Variants in CNTN5 observed in about 807,000 individuals in gnomAD.
The protein encoded by CNTN5 is contactin-5.
In CNTN5, 77 loss-of-function variants were observed where a neutral mutation model predicts 129.1. The ratio of observed to expected loss-of-function variants is 0.60; its 90% CI spans 0.50 to 0.72. The LOEUF (loss-of-function observed/expected upper bound fraction) is 0.72. CNTN5 is among the 30% of genes least tolerant of loss of function. The pLI, the probability that CNTN5 is intolerant of heterozygous loss-of-function variation, is 0.00. For synonymous variants in CNTN5, 509 were observed against 465.6 expected (o/e 1.09, Z -1.20); for missense variants, 1,478 against 1,328.8 (o/e 1.11, Z -1.75).
At chr11:100,158,085 A>AAATCTGTATT (rs1947317837) in intron 13 of CNTN5, among the ~76,000 whole-genome samples, 2 of 151,490 alleles carry the variant, frequency 1.3e-5, no homozygotes, top group African/African-American at 2.4e-5. Flanking sequence ...AATTTTTTGA[A>AAATCTGTATT]AATCTGTATT....
chr11:99,565,113 C>T (rs186653661), intron 3 of CNTN5, among the ~76,000 whole-genome samples: 1 of 152,012 alleles, frequency 6.6e-6, no homozygotes, highest in Non-Finnish European at 1.5e-5. Context: ...GCTTAAAGAA[C>T]AATAACCCAA....
chr11:99,546,966 C>T (rs7129735), intron 2 of CNTN5, among the ~76,000 whole-genome samples: 106,299 of 150,894 alleles, frequency 0.7, 37,838 homozygotes, highest in East Asian at 0.98. Context: ...ATGAAAGATA[C>T]ACAACACAAA....
At chr11:100,067,246 G>T (rs557431831) in intron 10 of CNTN5, among the ~76,000 whole-genome samples, 1 of 152,078 alleles carries the variant, frequency 6.6e-6, no homozygotes, top group South Asian at 2.1e-4. Context: ...TTTTTCTAAT[G>T]TAGAGCTTAA....
At chr11:99,487,835 A>G (rs952679141) in intron 2 of CNTN5, among the ~76,000 whole-genome samples, 1 of 152,238 alleles carries the variant, frequency 6.6e-6, no homozygotes, top group African/African-American at 2.4e-5. Flanking sequence ...ATGAGTTAAG[A>G]ATAAGTTCTC....
At chr11:100,309,281 A>G (rs545321796) in intron 21 of CNTN5, 6 of 983,480 alleles carry the variant, frequency 6.1e-6, no homozygotes, top group African/African-American at 5.2e-5. Context: ...GTCTTGAACA[A>G]TGATCAAGTA....
intron 2 of CNTN5, among the ~76,000 whole-genome samples, chr11:99,368,875 G>A (rs925797753): frequency 6.6e-5 from 10 of 152,054 alleles, no homozygotes; most frequent in Non-Finnish European, 1.2e-4. Flanking sequence ...CAAAACGTAA[G>A]AGTTTCTAAG....
intron 9 of CNTN5, among the ~76,000 whole-genome samples, chr11:100,015,445 C>T (rs1428517750): frequency 6.6e-6 from 1 of 152,120 alleles, no homozygotes; most frequent in Admixed American, 6.6e-5. Flanking sequence ...AAGAAATGCC[C>T]TCAGTGGAAA....
intron 2 of CNTN5, among the ~76,000 whole-genome samples, chr11:99,425,585 T>C (rs970469275): frequency 6.6e-6 from 1 of 152,232 alleles, no homozygotes; most frequent in Non-Finnish European, 1.5e-5. Flanking sequence ...TTTGCAACAG[T>C]GCACACGCCC....
At chr11:100,287,569 T>G in intron 18 of CNTN5, among the ~76,000 whole-genome samples, 1 of 150,416 alleles carries the variant, frequency 6.6e-6, no homozygotes. Flanking sequence ...AGAGATTTTG[T>G]CACCACCAGG....
intron 2 of CNTN5, among the ~76,000 whole-genome samples, chr11:99,547,209 C>T (rs932819216): frequency 2.0e-5 from 3 of 151,840 alleles, no homozygotes; most frequent in Non-Finnish European, 2.9e-5. Flanking sequence ...TTCTCCATGT[C>T]GGTCAGGCTA....
At chr11:100,021,072 T>C (rs956687689) in intron 9 of CNTN5, among the ~76,000 whole-genome samples, 5 of 152,170 alleles carry the variant, frequency 3.3e-5, no homozygotes, top group Non-Finnish European at 5.9e-5. Context: ...TATGAATTTT[T>C]TTAAAATTTA....
chr11:99,218,054 T>G (rs1860216325), intron 1 of CNTN5, among the ~76,000 whole-genome samples: 1 of 152,144 alleles, frequency 6.6e-6, no homozygotes, highest in African/African-American at 2.4e-5. Flanking sequence ...CAATTGCTTT[T>G]TTTCTGTTTT....
At chr11:100,016,773 G>C (rs1327585014) in intron 9 of CNTN5, among the ~76,000 whole-genome samples, 1 of 151,852 alleles carries the variant, frequency 6.6e-6, no homozygotes, top group Non-Finnish European at 1.5e-5. Context: ...TATTGAGAAT[G>C]AATATGCCGA....
At chr11:99,669,480 G>A (rs895104313) in intron 3 of CNTN5, among the ~76,000 whole-genome samples, 1 of 134,264 alleles carries the variant, frequency 7.4e-6, no homozygotes, top group African/African-American at 2.7e-5. Flanking sequence ...GTGTATATGT[G>A]TATACATATA....
chr11:100,191,866 G>A (rs1339506264), intron 14 of CNTN5, among the ~76,000 whole-genome samples: 1 of 151,892 alleles, frequency 6.6e-6, no homozygotes, highest in Non-Finnish European at 1.5e-5. Context: ...GAGGCTCTAT[G>A]TCATTGTTTA....
chr11:99,205,601 A>G (rs1047733115), intron 1 of CNTN5, among the ~76,000 whole-genome samples: 3 of 152,204 alleles, frequency 2.0e-5, no homozygotes, highest in African/African-American at 7.2e-5. Context: ...CATTATGACT[A>G]TAGCTATTGG....
chr11:99,312,468 G>T (rs1865153863), intron 1 of CNTN5, among the ~76,000 whole-genome samples: 1 of 152,096 alleles, frequency 6.6e-6, no homozygotes, highest in Non-Finnish European at 1.5e-5. Flanking sequence ...TGCATGACCT[G>T]CAAGAAATAC....
At chr11:99,967,408 A>C (rs1383383208) in intron 8 of CNTN5, among the ~76,000 whole-genome samples, 2 of 152,152 alleles carry the variant, frequency 1.3e-5, no homozygotes, top group Non-Finnish European at 2.9e-5. Context: ...TGGAGGGTGA[A>C]GCAAACGTAA....
chr11:100,083,459 A>T (rs11222700), intron 13 of CNTN5, among the ~76,000 whole-genome samples: 18,635 of 151,988 alleles, frequency 0.12, 1,158 homozygotes, highest in Admixed American at 0.13. Context: ...TGATCTAATC[A>T]CTTCCTACCA....
Sources: allele counts gnomAD v4.1 joint callset (sites outside exome capture counted in the v4.1 genomes callset), GRCh38; gene constraint gnomAD v4.1.1; transcripts MANE v1.5; gene names NCBI Gene and HGNC (gene_info 2026-07-23, HGNC 2026-07-21).